Variants in KHDRBS2 observed in about 807,000 individuals in gnomAD.
KHDRBS2 encodes KH RNA binding domain containing, signal transduction associated 2, also known as KH domain-containing, RNA-binding, signal transduction-associated protein 2.
In KHDRBS2, 26 loss-of-function variants were observed where a neutral mutation model predicts 44.3. The observed-to-expected ratio is 0.59, with a 90% confidence interval of 0.43 to 0.81. KHDRBS2 has a LOEUF of 0.81. Ranked by LOEUF, KHDRBS2 falls within the 40% of genes least tolerant of loss-of-function variation. The pLI, the probability that KHDRBS2 is intolerant of heterozygous loss-of-function variation, is 0.00. For missense variants in KHDRBS2, 476 were observed against 433.1 expected (o/e 1.10, Z -0.88); for synonymous variants, 194 against 151.1 (o/e 1.28, Z -2.08).
chr6:61,609,080 C>A, the KHDRBS2 span, among the ~76,000 whole-genome samples: 2 of 152,160 alleles, frequency 1.3e-5, no homozygotes, highest in African/African-American at 4.8e-5. Context: ...TCCTATTTCT[C>A]CACATCCTCT....
intron 1 of KHDRBS2, among the ~76,000 whole-genome samples, chr6:62,270,277 A>ATCTC (rs147450056): frequency 0.011 from 1,296 of 120,674 alleles, 23 homozygotes; most frequent in African/African-American, 0.023. Context: ...GTGGAACCCC[A>ATCTC]TCTCTCTCTC....
chr6:61,575,541 A>C, the KHDRBS2 span, among the ~76,000 whole-genome samples: 1 of 152,206 alleles, frequency 6.6e-6, no homozygotes, highest in Non-Finnish European at 1.5e-5. Flanking sequence ...TATGGAAAAC[A>C]GTATAGAAAT....
At chr6:61,548,434 A>G in the KHDRBS2 span, among the ~76,000 whole-genome samples, 6 of 152,148 alleles carry the variant, frequency 3.9e-5, no homozygotes, top group Non-Finnish European at 7.4e-5. Flanking sequence ...GATTAAGTCT[A>G]GGATGAGGCC....
chr6:61,648,858 A>G, the KHDRBS2 span, among the ~76,000 whole-genome samples: 1 of 152,060 alleles, frequency 6.6e-6, no homozygotes, highest in African/African-American at 2.4e-5. Context: ...CCTTATTTTT[A>G]GGCACTCTTC....
At chr6:62,095,103 C>T (rs1471561947) in intron 2 of KHDRBS2, among the ~76,000 whole-genome samples, 1 of 151,578 alleles carries the variant, frequency 6.6e-6, no homozygotes, top group African/African-American at 2.4e-5. Context: ...ATGAAGAATG[C>T]CATTGGTATT....
intron 4 of KHDRBS2, among the ~76,000 whole-genome samples, chr6:61,934,477 A>C (rs1810668864): frequency 2.6e-5 from 4 of 152,194 alleles, no homozygotes; most frequent in Admixed American, 6.5e-5. Context: ...GAGTATATGC[A>C]TTGTCAGTCT....
intron 3 of KHDRBS2, among the ~76,000 whole-genome samples, chr6:61,996,110 G>A (rs1397138030): frequency 6.6e-6 from 1 of 152,132 alleles, no homozygotes; most frequent in Admixed American, 6.5e-5. Context: ...GTCCTTCGAA[G>A]ACAACTTTTA....
chr6:61,771,007 C>A (rs1336132321), intron 6 of KHDRBS2, among the ~76,000 whole-genome samples: 1 of 152,142 alleles, frequency 6.6e-6, no homozygotes, highest in Non-Finnish European at 1.5e-5. Context: ...ACTCTACAAG[C>A]CAGAAGAGAG....
chr6:62,054,605 AAGG>A, intron 2 of KHDRBS2, among the ~76,000 whole-genome samples: 2 of 152,174 alleles, frequency 1.3e-5, no homozygotes, highest in South Asian at 4.1e-4. Context: ...AGGGTCAGAG[AAGG>A]AGATGTGATG....
intron 1 of KHDRBS2, among the ~76,000 whole-genome samples, chr6:62,197,470 A>G (rs915544753): frequency 6.6e-6 from 1 of 152,150 alleles, no homozygotes; most frequent in Admixed American, 6.6e-5. Flanking sequence ...CACTGCTTCT[A>G]TGGATAATGG....
intron 6 of KHDRBS2, among the ~76,000 whole-genome samples, chr6:61,784,466 C>A (rs1783482223): frequency 6.6e-6 from 1 of 151,806 alleles, no homozygotes; most frequent in Admixed American, 6.6e-5. Context: ...AGTAAGAGTG[C>A]TTTATTTCAG....
chr6:62,210,492 G>A (rs755426119), intron 1 of KHDRBS2, among the ~76,000 whole-genome samples: 3 of 151,548 alleles, frequency 2.0e-5, no homozygotes, highest in Non-Finnish European at 4.4e-5. Flanking sequence ...CACCACACCC[G>A]GCTAATTTTT....
intron 1 of KHDRBS2, among the ~76,000 whole-genome samples, chr6:62,282,957 A>C (rs1029810695): frequency 2.6e-5 from 4 of 152,148 alleles, no homozygotes; most frequent in African/African-American, 7.2e-5. Context: ...CTAGGTATCT[A>C]GATTCACAGT....
intron 3 of KHDRBS2, among the ~76,000 whole-genome samples, chr6:62,009,138 A>C (rs1779819631): frequency 6.6e-6 from 1 of 152,170 alleles, no homozygotes; most frequent in South Asian, 2.1e-4. Context: ...AATGCCGATA[A>C]AAATATGGAC....
At chr6:61,871,909 C>G (rs1480010464) in intron 6 of KHDRBS2, among the ~76,000 whole-genome samples, 1 of 130,308 alleles carries the variant, frequency 7.7e-6, no homozygotes, top group Non-Finnish European at 1.5e-5. Context: ...CACATGGACA[C>G]AGGGATGGGA....
chr6:62,067,968 C>T (rs914598671), intron 2 of KHDRBS2, among the ~76,000 whole-genome samples: 4 of 151,520 alleles, frequency 2.6e-5, no homozygotes, highest in African/African-American at 9.7e-5. Flanking sequence ...TGAGTTGTGT[C>T]CACATTGTGG....
chr6:61,668,110 T>A, the KHDRBS2 span, among the ~76,000 whole-genome samples: 51 of 151,106 alleles, frequency 3.4e-4, no homozygotes, highest in African/African-American at 1.2e-3. Context: ...GGTCTATTTT[T>A]TACCTCACAA....
intron 6 of KHDRBS2, among the ~76,000 whole-genome samples, chr6:61,875,610 T>C (rs1340826092): frequency 1.3e-5 from 2 of 152,158 alleles, no homozygotes; most frequent in Non-Finnish European, 2.9e-5. Flanking sequence ...AACAAGGAAC[T>C]TTCCACTTTT....
chr6:62,045,769 C>T (rs752121645), intron 3 of KHDRBS2, among the ~76,000 whole-genome samples: 4 of 151,582 alleles, frequency 2.6e-5, no homozygotes, highest in African/African-American at 7.3e-5. Flanking sequence ...CTGTTTATGT[C>T]GTGATGCAGA....
Sources: gnomAD v4.1 joint callset for allele counts (sites outside exome capture counted in the v4.1 genomes callset) on GRCh38, gnomAD v4.1.1 for gene constraint, MANE v1.5 for transcripts, NCBI Gene and HGNC (gene_info 2026-07-23, HGNC 2026-07-21) for gene names.